PHTF2: variants seen among roughly 807,000 people sequenced by gnomAD.
PHTF2 encodes the protein putative homeodomain transcription factor 2, also known as protein PHTF2.
Under a neutral mutation model 101.2 loss-of-function variants are expected in PHTF2, and 60 were observed. The ratio of observed to expected loss-of-function variants is 0.59; its 90% CI spans 0.48 to 0.73. The LOEUF (loss-of-function observed/expected upper bound fraction) is 0.73, where lower values mean the gene tolerates loss of function less well. PHTF2 is among the 30% of genes least tolerant of loss of function. The probability of loss-of-function intolerance (pLI) is 0.00; values close to 1 mark genes in which losing one functional copy is unlikely to be tolerated. For synonymous variants in PHTF2, 311 were observed against 307.3 expected (o/e 1.01, Z -0.13); for missense variants, 747 against 908.7 (o/e 0.82, Z 2.29).
At chr7:77,884,299 A>C (rs1443354110) in intron 3 of PHTF2, among the ~76,000 whole-genome samples, 2 of 152,190 alleles carry the variant, frequency 1.3e-5, no homozygotes, top group Non-Finnish European at 2.9e-5. Context: ...TTATATAGTG[A>C]TGAAGTCTGA....
At chr7:77,947,077 T>C (rs1429375123) in intron 16 of PHTF2, among the ~76,000 whole-genome samples, 1 of 151,750 alleles carries the variant, frequency 6.6e-6, no homozygotes. Flanking sequence ...GCCATGATTG[T>C]GCCACTGCAC....
chr7:77,869,588 T>C (rs118055619), intron 3 of PHTF2, among the ~76,000 whole-genome samples: 3,359 of 152,286 alleles, frequency 0.022, 52 homozygotes, highest in Middle Eastern at 0.068. Context: ...TTCTTTTATA[T>C]TGCTAGATCA....
intron 3 of PHTF2, among the ~76,000 whole-genome samples, chr7:77,883,799 G>C (rs1490188359): frequency 6.6e-6 from 1 of 152,088 alleles, no homozygotes; most frequent in African/African-American, 2.4e-5. Context: ...TTGTCTCTCT[G>C]TAGCCATCCA....
intron 9 of PHTF2, among the ~76,000 whole-genome samples, chr7:77,919,437 A>T (rs563965815): frequency 6.6e-6 from 1 of 152,224 alleles, no homozygotes. Context: ...AAAATGTTTT[A>T]TGATAGATAA....
chr7:77,844,490 A>G (rs913194646), intron 2 of PHTF2, among the ~76,000 whole-genome samples: 1 of 152,234 alleles, frequency 6.6e-6, no homozygotes, highest in African/African-American at 2.4e-5. Flanking sequence ...CAGAAATTCT[A>G]CTTAATTATC....
intron 10 of PHTF2, among the ~76,000 whole-genome samples, chr7:77,922,243 T>G (rs1369438073): frequency 6.6e-6 from 1 of 151,954 alleles, no homozygotes; most frequent in African/African-American, 2.4e-5. Flanking sequence ...CCCAGGCTGG[T>G]CTCGAACCCC....
intron 16 of PHTF2, among the ~76,000 whole-genome samples, chr7:77,945,700 G>A (rs1202642102): frequency 6.6e-6 from 1 of 152,068 alleles, no homozygotes; most frequent in Non-Finnish European, 1.5e-5. Flanking sequence ...AGTATGAAGT[G>A]CTTTATGTCA....
At position 77,874,565 on chromosome 7, in the gene PHTF2, T is replaced by C. The variant is rs910227551; in HGVS notation, c.148-19043T>C. 9.9e-5 allele frequency among the ~76,000 whole-genome samples: 15 copies of C among 152,176 alleles called. 1 individual carries two copies. Among genetic ancestry groups the C allele is most frequent in the African/African-American group, 2.2e-4 (9 of 41,448 alleles). ...AAGCATTCAGCACATGAAAAAGATA[T>C]AGGCTGGGAAGCTAGGCCAGTCTCT... On this transcript the variant is annotated intron_variant, in intron 3 of 19. Transcript: ENST00000416283.
chr7:77,895,072 C>A, intron 5 of PHTF2: 1 of 438,928 alleles, frequency 2.3e-6, no homozygotes, highest in South Asian at 1.7e-5. Context: ...ACACAGGCAG[C>A]ACTAAGGATG....
chr7:77,827,378 G>A (rs1017253476), intron 1 of PHTF2, among the ~76,000 whole-genome samples: 4 of 151,780 alleles, frequency 2.6e-5, no homozygotes, highest in African/African-American at 4.8e-5. Flanking sequence ...TTTTTGAGAC[G>A]GAGTCTCACT....
chr7:77,940,263 C>A, exon 14 of PHTF2: 1 of 1,612,136 alleles, frequency 6.2e-7, no homozygotes, highest in Middle Eastern at 1.7e-4. Context: ...TGTGGATTTT[C>A]TTTTTTTTGC....
chr7:77,828,296 C>T (rs1217058705), intron 1 of PHTF2, among the ~76,000 whole-genome samples: 2 of 152,162 alleles, frequency 1.3e-5, no homozygotes, highest in Non-Finnish European at 2.9e-5. Flanking sequence ...TTATAATTAG[C>T]TATTTAAAGG....
chr7:77,952,433 T>C (rs1806632874), intron 18 of PHTF2, among the ~76,000 whole-genome samples: 1 of 152,182 alleles, frequency 6.6e-6, no homozygotes, highest in South Asian at 2.1e-4. Flanking sequence ...CCACATAGTA[T>C]TGAAGGGTTC....
intron 3 of PHTF2, among the ~76,000 whole-genome samples, chr7:77,862,200 C>CA (rs1797706252): frequency 6.6e-6 from 1 of 152,114 alleles, no homozygotes; most frequent in African/African-American, 2.4e-5. Context: ...GTACTGAGTT[C>CA]ATAAAAACAT....
chr7:77,860,927 C>T (rs1008881744), intron 3 of PHTF2, among the ~76,000 whole-genome samples: 9 of 152,088 alleles, frequency 5.9e-5, no homozygotes, highest in African/African-American at 2.2e-4. Context: ...TGGTCTCGAA[C>T]TCCTGGGCTC....
intron 3 of PHTF2, among the ~76,000 whole-genome samples, chr7:77,882,148 G>T (rs1308918420): frequency 1.3e-5 from 2 of 152,104 alleles, no homozygotes; most frequent in Non-Finnish European, 2.9e-5. Flanking sequence ...TTTAGATGAT[G>T]TTGGGAATAT....
exon 1 of PHTF2, chr7:77,798,807 C>G (rs975663381): frequency 6.6e-6 from 1 of 152,270 alleles, no homozygotes; most frequent in African/African-American, 2.4e-5. Flanking sequence ...CTGCAGGCTC[C>G]GGCGCAAAAT....
chr7:77,881,066 G>A (rs1212251002), intron 3 of PHTF2, among the ~76,000 whole-genome samples: 1 of 151,574 alleles, frequency 6.6e-6, no homozygotes, highest in East Asian at 1.9e-4. Context: ...CTTTTTTATT[G>A]TCCCCATTCC....
At chr7:77,932,084 G>T (rs1401630814) in intron 12 of PHTF2, among the ~76,000 whole-genome samples, 2 of 152,146 alleles carry the variant, frequency 1.3e-5, no homozygotes, top group Non-Finnish European at 2.9e-5. Context: ...CTGAGCGACA[G>T]AGCGGACTCT....
Sources: gnomAD v4.1 joint callset for allele counts (sites outside exome capture counted in the v4.1 genomes callset) on GRCh38, gnomAD v4.1.1 for gene constraint, MANE v1.5 for transcripts, NCBI Gene and HGNC (gene_info 2026-07-23, HGNC 2026-07-21) for gene names.